The following ERC1 variants were observed in gnomAD, a reference collection of about 807,000 sequenced individuals.
The protein encoded by ERC1 is ELKS/RAB6-interacting/CAST family member 1, also known as RAB6 interacting protein 2.
A neutral mutation model predicts 132.0 loss-of-function variants in ERC1; 56 were observed. The observed-to-expected ratio is 0.42, with a 90% confidence interval of 0.34 to 0.53. The LOEUF (loss-of-function observed/expected upper bound fraction) is 0.53. Ranked by LOEUF, ERC1 falls within the 20% of genes least tolerant of loss-of-function variation. The pLI is 0.03. For missense variants in ERC1, 1,202 were observed against 1,349.9 expected, an observed-to-expected ratio of 0.89 and a Z score of 1.72; for synonymous variants, 478 against 476.1, an observed-to-expected ratio of 1.00 and a Z score of -0.05.
intron 14 of ERC1, among the ~76,000 whole-genome samples, chr12:1,280,769 G>A (rs1293609800): frequency 2.0e-5 from 3 of 152,122 alleles, no homozygotes; most frequent in Non-Finnish European, 2.9e-5. Flanking sequence ...TATTATACAC[G>A]CACTTACGTG....
chr12:1,341,743 T>C (rs1228784582), intron 15 of ERC1, among the ~76,000 whole-genome samples: 1 of 152,074 alleles, frequency 6.6e-6, no homozygotes, highest in Non-Finnish European at 1.5e-5. Flanking sequence ...CAAACCAACA[T>C]GGCACATGTA....
intron 15 of ERC1, among the ~76,000 whole-genome samples, chr12:1,304,876 G>A (rs1407805838): frequency 7.6e-6 from 1 of 130,870 alleles, no homozygotes; most frequent in Admixed American, 9.2e-5. Flanking sequence ...TGCAAGCTCC[G>A]CCTCCCGGGT....
chr12:1,110,300 A>C lies in ERC1; in HGVS notation c.1270A>C (p.Lys424Gln). 1 of 1,613,558 alleles carries C rather than the reference A, an allele frequency of 6.2e-7. No individual in the cohort carries two copies. ...TACTGAGGAAAGGGAAGAAGAAATG[A>C]AGCAAATGGAAGTGTATCGGAGCCA... ...LSTEEREEEM[K>Q]QMEVYRSHSK... Residue 424 changes from lysine (K) to glutamine (Q), a missense_variant, in exon 5 of 19, where the codon AAG (lysine) becomes CAG (glutamine). Physicochemically the swap from Lys to Gln is moderately conservative, Grantham distance 53. Transcript: ENST00000360905.
chr12:1,277,511 A>G (rs541952169), intron 14 of ERC1, among the ~76,000 whole-genome samples: 1 of 152,322 alleles, frequency 6.6e-6, no homozygotes, highest in South Asian at 2.1e-4. Flanking sequence ...AGTTTACAGA[A>G]ATCTCTTCTT....
intron 15 of ERC1, among the ~76,000 whole-genome samples, chr12:1,316,662 GA>G (rs753498385): frequency 7.9e-4 from 121 of 152,286 alleles, no homozygotes; most frequent in Admixed American, 2.0e-3. Flanking sequence ...AACCATTGTG[GA>G]AGACACTGTG....
chr12:1,325,550 A>G (rs1001685883), intron 15 of ERC1, among the ~76,000 whole-genome samples: 12 of 152,178 alleles, frequency 7.9e-5, no homozygotes, highest in African/African-American at 1.7e-4. Flanking sequence ...AACTTTATAA[A>G]TTTAATATTA....
At chr12:1,139,992 A>G (rs973379105) in intron 7 of ERC1, among the ~76,000 whole-genome samples, 24 of 152,318 alleles carry the variant, frequency 1.6e-4, no homozygotes, top group African/African-American at 5.5e-4. Flanking sequence ...GGTAAATTAC[A>G]GATGAAAGAC....
At chr12:1,423,535 G>A (rs1304361974) in intron 17 of ERC1, among the ~76,000 whole-genome samples, 1 of 152,168 alleles carries the variant, frequency 6.6e-6, no homozygotes, top group East Asian at 1.9e-4. Context: ...GCTCTTAAAG[G>A]AATGGTATTC....
intron 13 of ERC1, 122 bp downstream of exon 13, chr12:1,237,026 C>A: frequency 1.8e-6 from 2 of 1,136,796 alleles, no homozygotes; most frequent in South Asian, 1.6e-5. Flanking sequence ...TTGCTGCCTT[C>A]CTCTCAGACC....
Position 1,293,236 on chromosome 12 carries a change from C to T in ERC1, c.2780+3224C>T, listed in dbSNP as rs1405484814. Among the ~76,000 whole-genome samples, 15 of 151,026 alleles carry T rather than the reference C, an allele frequency of 9.9e-5. 1 individual carries two copies. Among genetic ancestry groups the T allele is most frequent in the East Asian group, 1.9e-4 (1 of 5,140 alleles). On this transcript the variant is annotated intron_variant, in intron 15 of 18. Transcript: ENST00000360905. ...TTGGGAGGCTGAGGCGGGCAGATCA[C>T]GAGGTCAGAAGATTGAGACCATCCT... is the stretch of plus-strand genomic sequence containing the variant.
At chr12:1,156,348 C>T (rs1951396717) in intron 8 of ERC1, among the ~76,000 whole-genome samples, 1 of 152,044 alleles carries the variant, frequency 6.6e-6, no homozygotes, top group Admixed American at 6.6e-5. Context: ...AAACAGTTCT[C>T]TCCTGCCTCA....
intron 15 of ERC1, among the ~76,000 whole-genome samples, chr12:1,324,063 A>G (rs1202833363): frequency 6.6e-6 from 1 of 152,176 alleles, no homozygotes; most frequent in Non-Finnish European, 1.5e-5. Context: ...CTTGAACAGT[A>G]TTTGAACAGT....
chr12:1,447,263 A>T (rs1334111628), intron 18 of ERC1, among the ~76,000 whole-genome samples: 1 of 151,184 alleles, frequency 6.6e-6, no homozygotes, highest in Non-Finnish European at 1.5e-5. Flanking sequence ...CCCACCTGTA[A>T]TCCCGGCATT....
chr12:1,481,103 G>A (rs181074386), intron 18 of ERC1, among the ~76,000 whole-genome samples: 16 of 152,264 alleles, frequency 1.1e-4, no homozygotes, highest in Non-Finnish European at 1.3e-4. Flanking sequence ...AACAATACTC[G>A]GAACAGCATG....
chr12:1,069,672 C>T (rs563083230), intron 2 of ERC1, among the ~76,000 whole-genome samples: 48 of 152,204 alleles, frequency 3.2e-4, no homozygotes, highest in Non-Finnish European at 2.8e-4. Flanking sequence ...AAAGGTAATT[C>T]GGTATGTATA....
chr12:1,209,194 C>T (rs1957632190), intron 12 of ERC1, among the ~76,000 whole-genome samples: 1 of 152,000 alleles, frequency 6.6e-6, no homozygotes, highest in African/African-American at 2.4e-5. Flanking sequence ...GTCTTGAACT[C>T]CTGACCTCAG....
intron 2 of ERC1, among the ~76,000 whole-genome samples, chr12:1,060,978 G>A (rs1029263834): frequency 6.6e-5 from 10 of 151,848 alleles, no homozygotes; most frequent in African/African-American, 1.5e-4. Flanking sequence ...CACCTGCCTC[G>A]GGCCCCCCAA....
chr12:1,006,348 T>C (rs1963588237), intron 1 of ERC1, among the ~76,000 whole-genome samples: 2 of 152,138 alleles, frequency 1.3e-5, no homozygotes, highest in East Asian at 1.9e-4. Flanking sequence ...ATCCTTCTGC[T>C]TCAACCTTCC....
At chr12:1,126,969 A>G (rs1948229628) in intron 7 of ERC1, among the ~76,000 whole-genome samples, 1 of 136,508 alleles carries the variant, frequency 7.3e-6, no homozygotes, top group Non-Finnish European at 1.5e-5. Flanking sequence ...GCCTGGCGAC[A>G]GAGTGAGATT....
Sources: allele counts gnomAD v4.1 joint callset (sites outside exome capture counted in the v4.1 genomes callset), GRCh38; gene constraint gnomAD v4.1.1; transcripts MANE v1.5; gene names NCBI Gene and HGNC (gene_info 2026-07-23, HGNC 2026-07-21).